Variants in OOSP3 observed in about 807,000 individuals in gnomAD.
The protein encoded by OOSP3 is oocyte secreted protein family member 3.
intron 2 of OOSP3, among the ~76,000 whole-genome samples, chr11:59,889,153 T>G (rs1853287672): frequency 6.6e-6 from 1 of 152,084 alleles, no homozygotes; most frequent in Non-Finnish European, 1.5e-5. Context: ...CCCTTATCAT[T>G]TCTGAATGTG....
intron 2 of OOSP3, among the ~76,000 whole-genome samples, chr11:59,890,124 G>A (rs370957130): frequency 6.6e-6 from 1 of 151,980 alleles, no homozygotes; most frequent in Admixed American, 6.5e-5. Context: ...CTTTCCATTT[G>A]CTTGGTAAAT....
intron 2 of OOSP3, 112 bp from the exon 3 acceptor site, chr11:59,893,967 C>T (rs965900334): frequency 5.1e-6 from 2 of 395,230 alleles, no homozygotes; most frequent in East Asian, 7.2e-5. Flanking sequence ...GCAGAGAGAC[C>T]TTGGTGCAGT....
chr11:59,894,938 T>G (rs1377377207), intron 3 of OOSP3, among the ~76,000 whole-genome samples: 1 of 152,190 alleles, frequency 6.6e-6, no homozygotes, highest in Non-Finnish European at 1.5e-5. Flanking sequence ...CCTAAGTTGT[T>G]CTCTATTCTA....
At chr11:59,885,078 T>C (rs1853240673) in intron 2 of OOSP3, among the ~76,000 whole-genome samples, 1 of 152,216 alleles carries the variant, frequency 6.6e-6, no homozygotes. Flanking sequence ...GTTTTTATCA[T>C]AAATGGTATT....
exon 4 of OOSP3, chr11:59,895,516 C>G (rs1853347622): frequency 2.5e-6 from 1 of 398,214 alleles, no homozygotes; most frequent in Non-Finnish European, 4.4e-6. Flanking sequence ...TCTTTGGATA[C>G]CACTTCAAGC....
chr11:59,895,425 AC>A, intron 3 of OOSP3, 76 bp from the exon 4 acceptor site: 1 of 396,500 alleles, frequency 2.5e-6, no homozygotes, highest in African/African-American at 2.1e-5. Context: ...ATGAATTCAG[AC>A]AAAAAGAGAC....
chr11:59,880,343 T>C, exon 2 of OOSP3: 1 of 398,602 alleles, frequency 2.5e-6, no homozygotes, highest in Non-Finnish European at 4.4e-6. Flanking sequence ...TGCATTCTGA[T>C]GAAGCATCTC....
chr11:59,889,778 G>A (rs1565219880), intron 2 of OOSP3, among the ~76,000 whole-genome samples: 1 of 152,068 alleles, frequency 6.6e-6, no homozygotes, highest in Non-Finnish European at 1.5e-5. Context: ...GTTTTGGGGT[G>A]TAGAGTTCTG....
intron 2 of OOSP3, among the ~76,000 whole-genome samples, chr11:59,891,726 T>A (rs1008946065): frequency 2.0e-5 from 3 of 152,146 alleles, no homozygotes; most frequent in African/African-American, 4.8e-5. Flanking sequence ...TCTTATGCAG[T>A]CAGGAGGCAT....
intron 2 of OOSP3, among the ~76,000 whole-genome samples, chr11:59,892,135 T>G (rs182298203): frequency 2.2e-4 from 33 of 152,304 alleles, no homozygotes; most frequent in African/African-American, 7.7e-4. Context: ...CAAATCTTTG[T>G]GCTTGGGACC....
At chr11:59,884,471 G>GTCTCTCTCTC (rs1853232583) in intron 2 of OOSP3, among the ~76,000 whole-genome samples, 2 of 100,094 alleles carry the variant, frequency 2.0e-5, no homozygotes, top group Admixed American at 1.1e-4. Flanking sequence ...CTGTCTGTCT[G>GTCTCTCTCTC]TCTGTCTCTC....
intron 2 of OOSP3, among the ~76,000 whole-genome samples, chr11:59,889,924 G>T (rs1853295505): frequency 6.6e-6 from 1 of 152,216 alleles, no homozygotes; most frequent in African/African-American, 2.4e-5. Context: ...AAGTCTCTTT[G>T]TAGGTCTTTA....
chr11:59,891,344 G>C (rs1042791773), intron 2 of OOSP3, among the ~76,000 whole-genome samples: 1 of 152,150 alleles, frequency 6.6e-6, no homozygotes, highest in Non-Finnish European at 1.5e-5. Context: ...TCATTTGGAG[G>C]GGAAGAGGCA....
At chr11:59,885,662 A>G (rs1853248940) in intron 2 of OOSP3, among the ~76,000 whole-genome samples, 1 of 152,100 alleles carries the variant, frequency 6.6e-6, no homozygotes, top group African/African-American at 2.4e-5. Flanking sequence ...CTTCCTTTTT[A>G]TGGCTGCATA....
At chr11:59,885,974 C>T (rs558901792) in intron 2 of OOSP3, among the ~76,000 whole-genome samples, 2 of 152,030 alleles carry the variant, frequency 1.3e-5, no homozygotes, top group South Asian at 4.1e-4. Context: ...TGGTGGTTTG[C>T]TGCAACTATC....
intron 2 of OOSP3, among the ~76,000 whole-genome samples, chr11:59,884,875 G>A (rs1487679515): frequency 6.6e-6 from 1 of 152,004 alleles, no homozygotes; most frequent in African/African-American, 2.4e-5. Context: ...TTATCTTCTT[G>A]CCTAATTTTC....
chr11:59,880,160 T>A, intron 1 of OOSP3, 101 bp from the exon 2 acceptor site: 1 of 396,652 alleles, frequency 2.5e-6, no homozygotes. Context: ...TTTACAGTGG[T>A]GTATATACAT....
intron 2 of OOSP3, among the ~76,000 whole-genome samples, chr11:59,884,475 GTC>G (rs60145654): frequency 0.054 from 6,183 of 113,604 alleles, 179 homozygotes; most frequent in Admixed American, 0.095. Context: ...CTGTCTGTCT[GTC>G]TCTCTCTCTC....
At chr11:59,885,680 A>G (rs961692489) in intron 2 of OOSP3, among the ~76,000 whole-genome samples, 2 of 152,128 alleles carry the variant, frequency 1.3e-5, no homozygotes, top group Admixed American at 6.5e-5. Context: ...ATACTATTCC[A>G]TGGTGCATAT....
Sources: gnomAD v4.1 joint callset for allele counts (sites outside exome capture counted in the v4.1 genomes callset) on GRCh38, gnomAD v4.1.1 for gene constraint, MANE v1.5 for transcripts, NCBI Gene and HGNC (gene_info 2026-07-23, HGNC 2026-07-21) for gene names.